The following KCTD8 variants were observed in gnomAD, a reference collection of about 807,000 sequenced individuals.
The protein encoded by KCTD8 is BTB/POZ domain-containing protein KCTD8.
KCTD8 carries 27 observed loss-of-function variants against 31.5 expected under a neutral mutation model. The observed-to-expected ratio is 0.86, with a 90% CI of 0.63 to 1.18. KCTD8 has a LOEUF of 1.18. Among genes scored for constraint, KCTD8 ranks in the 50% most tolerant of loss-of-function variants. The pLI is 0.00. For missense variants in KCTD8, 658 were observed against 647.7 expected, an observed-to-expected ratio of 1.02 and a Z score of -0.17; for synonymous variants, 290 against 280.0, an observed-to-expected ratio of 1.04 and a Z score of -0.36.
intron 1 of KCTD8, among the ~76,000 whole-genome samples, chr4:44,314,117 A>C (rs1718039465): frequency 6.6e-6 from 1 of 152,238 alleles, no homozygotes. Flanking sequence ...GGATATTCTC[A>C]GTCATGAAGA....
At chr4:44,260,405 G>T (rs1282166042) in intron 1 of KCTD8, among the ~76,000 whole-genome samples, 1 of 151,762 alleles carries the variant, frequency 6.6e-6, no homozygotes, top group Non-Finnish European at 1.5e-5. Context: ...AAAAAAAGTT[G>T]AGAACAACAA....
chr4:44,177,467 C>A (rs1036145158), intron 1 of KCTD8, among the ~76,000 whole-genome samples: 2 of 152,138 alleles, frequency 1.3e-5, no homozygotes, highest in Non-Finnish European at 2.9e-5. Flanking sequence ...ACCCAAATAT[C>A]ATCTTGAATT....
At chr4:44,212,691 C>T (rs1714525548) in intron 1 of KCTD8, among the ~76,000 whole-genome samples, 1 of 151,820 alleles carries the variant, frequency 6.6e-6, no homozygotes, top group South Asian at 2.1e-4. Flanking sequence ...CTTCTTTTTC[C>T]ATTCTTTTAC....
intron 1 of KCTD8, among the ~76,000 whole-genome samples, chr4:44,353,207 A>C (rs1306974480): frequency 6.6e-6 from 1 of 152,116 alleles, no homozygotes; most frequent in East Asian, 1.9e-4. Context: ...TGAAATCATA[A>C]AGTTAGAAAT....
At chr4:44,442,722 T>C (rs1721843587) in intron 1 of KCTD8, among the ~76,000 whole-genome samples, 1 of 152,108 alleles carries the variant, frequency 6.6e-6, no homozygotes, top group South Asian at 2.1e-4. Context: ...AATTAAATAC[T>C]GGTTTTATAC....
chr4:44,218,354 G>C (rs185314705), intron 1 of KCTD8, among the ~76,000 whole-genome samples: 3 of 151,042 alleles, frequency 2.0e-5, no homozygotes, highest in African/African-American at 4.9e-5. Flanking sequence ...GGCTGGTCTC[G>C]AACTCCTGAC....
intron 1 of KCTD8, among the ~76,000 whole-genome samples, chr4:44,418,048 A>G (rs1265086907): frequency 6.6e-6 from 1 of 152,166 alleles, no homozygotes; most frequent in Non-Finnish European, 1.5e-5. Flanking sequence ...TATACAACTC[A>G]TTCAAATAGT....
intron 1 of KCTD8, among the ~76,000 whole-genome samples, chr4:44,395,477 C>T (rs1048475999): frequency 1.3e-5 from 2 of 152,100 alleles, no homozygotes; most frequent in African/African-American, 4.8e-5. Flanking sequence ...CTAAATCACA[C>T]ACCCACCAGC....
intron 1 of KCTD8, among the ~76,000 whole-genome samples, chr4:44,373,068 A>G (rs777112125): frequency 1.7e-4 from 26 of 152,080 alleles, no homozygotes; most frequent in Non-Finnish European, 2.6e-4. Flanking sequence ...AAGATCCTCA[A>G]AAAAGGTCAA....
At chr4:44,217,575 G>C (rs1444259125) in intron 1 of KCTD8, among the ~76,000 whole-genome samples, 1 of 152,164 alleles carries the variant, frequency 6.6e-6, no homozygotes, top group Non-Finnish European at 1.5e-5. Context: ...TGCCAGAGAA[G>C]ATTAACATTT....
intron 1 of KCTD8, among the ~76,000 whole-genome samples, chr4:44,217,226 C>T (rs529545165): frequency 3.3e-5 from 5 of 152,260 alleles, no homozygotes; most frequent in African/African-American, 1.2e-4. Flanking sequence ...ATTCTCTTCA[C>T]ACACCCCCAA....
chr4:44,300,151 T>C (rs906086287), intron 1 of KCTD8, among the ~76,000 whole-genome samples: 1 of 152,132 alleles, frequency 6.6e-6, no homozygotes, highest in African/African-American at 2.4e-5. Context: ...TAGAATAACA[T>C]GCTGTTTTGA....
intron 1 of KCTD8, among the ~76,000 whole-genome samples, chr4:44,192,488 A>G (rs1713795163): frequency 6.7e-6 from 1 of 148,472 alleles, no homozygotes. Flanking sequence ...ACACACACAC[A>G]CACACACACA....
rs139448211 is a variant in KCTD8, at chr4:44,215,638, T to C, written c.962-40388A>G. Among the ~76,000 whole-genome samples, 60 of 152,326 alleles carry C rather than the reference T, an allele frequency of 3.9e-4. No individual in the cohort carries two copies. In the East Asian group the frequency reaches 0.011, roughly 28 times the overall value. On this transcript the variant is annotated intron_variant, in intron 1 of 1. Coordinates refer to ENST00000360029, the MANE Select transcript of KCTD8 (RefSeq NM_198353.3). ...ACTTAACAGATAAAACTGCATGGAA[T>C]TGATCATGACTTTTAGCCAAGGTCT...
chr4:44,320,277 A>C (rs952119285), intron 1 of KCTD8, among the ~76,000 whole-genome samples: 1 of 151,010 alleles, frequency 6.6e-6, no homozygotes, highest in African/African-American at 2.4e-5. Flanking sequence ...CCCTTCCTAC[A>C]CTATCTATGT....
intron 1 of KCTD8, among the ~76,000 whole-genome samples, chr4:44,411,317 G>C (rs1426839695): frequency 1.4e-5 from 2 of 146,534 alleles, no homozygotes; most frequent in Admixed American, 1.4e-4. Context: ...GGTCGAGGCT[G>C]CAGTGAGCCA....
intron 1 of KCTD8, among the ~76,000 whole-genome samples, chr4:44,181,398 A>C: frequency 6.6e-6 from 1 of 151,980 alleles, no homozygotes. Context: ...GGCGCGCACC[A>C]CCACGCCTGA....
At chr4:44,325,723 G>T (rs906972697) in intron 1 of KCTD8, among the ~76,000 whole-genome samples, 1 of 151,734 alleles carries the variant, frequency 6.6e-6, no homozygotes, top group Non-Finnish European at 1.5e-5. Flanking sequence ...AGATATTATC[G>T]GCAGGCTTGC....
intron 1 of KCTD8, among the ~76,000 whole-genome samples, chr4:44,391,560 C>G: frequency 6.6e-6 from 1 of 151,412 alleles, no homozygotes; most frequent in East Asian, 1.9e-4. Flanking sequence ...TTTCTCTTCT[C>G]TAGGCTAATT....
Sources: gnomAD v4.1 joint callset for allele counts (sites outside exome capture counted in the v4.1 genomes callset) on GRCh38, gnomAD v4.1.1 for gene constraint, MANE v1.5 for transcripts, NCBI Gene and HGNC (gene_info 2026-07-23, HGNC 2026-07-21) for gene names.